The following BANK1 variants were observed in gnomAD, a reference collection of about 807,000 sequenced individuals.
BANK1 encodes B cell scaffold protein with ankyrin repeats 1, also known as B-cell scaffold protein with ankyrin repeats.
Under a neutral mutation model 94.5 loss-of-function variants are expected in BANK1, and 95 were observed. That is an observed-to-expected ratio of 1.00 (90% CI 0.85 to 1.19). The LOEUF is 1.19. BANK1 is among the 50% of genes most tolerant of loss of function. BANK1 has a pLI of 0.00. For synonymous variants in BANK1, 334 were observed against 308.4 expected, an observed-to-expected ratio of 1.08 and a Z score of -0.87; for missense variants, 987 against 932.2, an observed-to-expected ratio of 1.06 and a Z score of -0.77.
At chr4:102,029,087 G>T (rs918727436) in intron 9 of BANK1, among the ~76,000 whole-genome samples, 1 of 151,982 alleles carries the variant, frequency 6.6e-6, no homozygotes, top group Non-Finnish European at 1.5e-5. Context: ...TATTTTTGTA[G>T]ATACTAGGTC....
In BANK1 at chr4:101,811,007, A is replaced by G. The variant is rs576708654; in HGVS notation, c.71-18801A>G. Reference sequence around the variant, plus strand: ...ATTTTATCTCTACGAATGAGGGATCAGTATCTCCATTTCTTCAGCTCAAGC... The same window carrying G: ...ATTTTATCTCTACGAATGAGGGATCGGTATCTCCATTTCTTCAGCTCAAGC... On this transcript the variant is annotated intron_variant, in intron 1 of 16. Coordinates refer to ENST00000322953, the MANE Select transcript of BANK1 (RefSeq NM_017935.5). Among the ~76,000 whole-genome samples the G allele has an allele frequency of 5.6e-4, 85 of 152,308 alleles. No homozygotes were observed. In the South Asian group the frequency reaches 0.016, roughly 29 times the overall value.
chr4:102,009,999 G>T (rs943369801), intron 7 of BANK1, among the ~76,000 whole-genome samples: 4 of 152,168 alleles, frequency 2.6e-5, no homozygotes, highest in Non-Finnish European at 5.9e-5. Flanking sequence ...GGGTGCCGTG[G>T]CTCACGCCTG....
At chr4:101,872,647 T>C (rs1284036012) in intron 5 of BANK1, among the ~76,000 whole-genome samples, 1 of 152,140 alleles carries the variant, frequency 6.6e-6, no homozygotes. Context: ...GCATTTGGTT[T>C]TCCTTTCTGT....
chr4:101,860,742 A>G (rs4317207), intron 3 of BANK1, among the ~76,000 whole-genome samples: 4,513 of 152,204 alleles, frequency 0.03, 150 homozygotes, highest in South Asian at 0.15. Context: ...TGAGTGAGGA[A>G]TCTCCTGTGT....
chr4:101,901,319 CTGAT>C (rs1331503610), intron 6 of BANK1, among the ~76,000 whole-genome samples: 1 of 152,154 alleles, frequency 6.6e-6, no homozygotes, highest in African/African-American at 2.4e-5. Flanking sequence ...GGAATGCAGA[CTGAT>C]TGAGACAATG....
In BANK1 at chr4:101,824,876, G is replaced by A. The variant is rs573104031; in HGVS notation, c.71-4932G>A. 4.6e-5 allele frequency among the ~76,000 whole-genome samples: 7 copies of A among 152,186 alleles called. No homozygotes were observed. In the South Asian group the frequency reaches 1.5e-3, roughly 32 times the overall value. On this transcript the variant is annotated intron_variant, in intron 1 of 16. Coordinates refer to ENST00000322953, the MANE Select transcript of BANK1 (RefSeq NM_017935.5). Reference sequence around the variant, plus strand: ...TAAGAAGAATTTTAATATATGTTTAGTCTCATTCTTTTGGTAATATGTAAT... The same window carrying A: ...TAAGAAGAATTTTAATATATGTTTAATCTCATTCTTTTGGTAATATGTAAT...
At chr4:101,952,319 A>C (rs1412641181) in intron 7 of BANK1, among the ~76,000 whole-genome samples, 2 of 152,142 alleles carry the variant, frequency 1.3e-5, no homozygotes, top group Non-Finnish European at 2.9e-5. Context: ...GACAACATTG[A>C]GAACTTATTG....
chr4:102,071,664 T>C (rs1456014405), intron 14 of BANK1, among the ~76,000 whole-genome samples: 1 of 152,176 alleles, frequency 6.6e-6, no homozygotes, highest in Non-Finnish European at 1.5e-5. Flanking sequence ...CTATAAAGAC[T>C]GATAATGATA....
At chr4:102,027,280 G>C (rs1438071927) in intron 9 of BANK1, among the ~76,000 whole-genome samples, 1 of 151,930 alleles carries the variant, frequency 6.6e-6, no homozygotes, top group African/African-American at 2.4e-5. Flanking sequence ...TTCTATATAT[G>C]GTATGTTGGT....
At chr4:101,932,418 G>T (rs1346214337) in intron 7 of BANK1, among the ~76,000 whole-genome samples, 1 of 151,328 alleles carries the variant, frequency 6.6e-6, no homozygotes, top group African/African-American at 2.4e-5. Context: ...CTTTTTAAAG[G>T]GGACTTTTCT....
At chr4:101,805,554 C>T (rs1725521814) in intron 1 of BANK1, among the ~76,000 whole-genome samples, 1 of 150,830 alleles carries the variant, frequency 6.6e-6, no homozygotes, top group African/African-American at 2.4e-5. Flanking sequence ...TGAACAGCCT[C>T]AGATAAATAA....
chr4:101,947,300 T>TAG (rs1723965398), intron 7 of BANK1, among the ~76,000 whole-genome samples: 1 of 56,082 alleles, frequency 1.8e-5, no homozygotes, highest in African/African-American at 4.1e-5. Flanking sequence ...TATATATATA[T>TAG]ATATATATAT....
At chr4:102,034,642 T>C (rs1467185158) in intron 10 of BANK1, among the ~76,000 whole-genome samples, 1 of 152,202 alleles carries the variant, frequency 6.6e-6, no homozygotes, top group African/African-American at 2.4e-5. Context: ...ACAGAACAAG[T>C]TGGCTTAGTC....
chr4:102,035,872 A>G (rs1264298238), intron 10 of BANK1, among the ~76,000 whole-genome samples: 1 of 152,064 alleles, frequency 6.6e-6, no homozygotes, highest in Non-Finnish European at 1.5e-5. Flanking sequence ...CGGGTTCATT[A>G]AGCTTGAAGA....
chr4:101,950,038 T>C (rs957495766), intron 7 of BANK1, among the ~76,000 whole-genome samples: 1 of 144,382 alleles, frequency 6.9e-6, no homozygotes, highest in Non-Finnish European at 1.5e-5. Context: ...TGTGTGTGTG[T>C]GTGTGTGTGT....
chr4:101,982,952 C>T (rs1725370313), intron 7 of BANK1, among the ~76,000 whole-genome samples: 1 of 151,910 alleles, frequency 6.6e-6, no homozygotes, highest in Admixed American at 6.6e-5. Context: ...AATTTAATCT[C>T]TTTAAGTAAT....
chr4:101,828,511 G>A (rs2148862693), intron 1 of BANK1, among the ~76,000 whole-genome samples: 1 of 151,336 alleles, frequency 6.6e-6, no homozygotes, highest in East Asian at 1.9e-4. Context: ...AAAATATTCA[G>A]ATCTGTATCA....
intron 6 of BANK1, among the ~76,000 whole-genome samples, chr4:101,917,611 A>T (rs776432556): frequency 2.0e-5 from 3 of 151,980 alleles, no homozygotes; most frequent in Non-Finnish European, 4.4e-5. Context: ...GGTAGAATAT[A>T]AAATTATTTT....
At chr4:101,936,472 A>G (rs1223928919) in intron 7 of BANK1, among the ~76,000 whole-genome samples, 4 of 150,444 alleles carry the variant, frequency 2.7e-5, no homozygotes, top group African/African-American at 9.7e-5. Flanking sequence ...TGTATGATAT[A>G]TACACATACA....
Sources: allele counts gnomAD v4.1 joint callset (sites outside exome capture counted in the v4.1 genomes callset), GRCh38; gene constraint gnomAD v4.1.1; transcripts MANE v1.5; gene names NCBI Gene and HGNC (gene_info 2026-07-23, HGNC 2026-07-21).